Variants in SPAG16 observed in about 807,000 individuals in gnomAD.
The protein encoded by SPAG16 is sperm-associated antigen 16 protein.
In SPAG16, 86 loss-of-function variants were observed where a neutral mutation model predicts 80.4. The ratio of observed to expected loss-of-function variants is 1.07; its 90% CI spans 0.90 to 1.28. The LOEUF is 1.28. SPAG16 is among the 50% of genes most tolerant of loss of function. The pLI is 0.00. For synonymous variants in SPAG16, 294 were observed against 265.9 expected, an observed-to-expected ratio of 1.11 and a Z score of -1.03; for missense variants, 870 against 765.3, an observed-to-expected ratio of 1.14 and a Z score of -1.61.
At chr2:213,982,602 T>C (rs1333641802) in intron 12 of SPAG16, among the ~76,000 whole-genome samples, 1 of 136,318 alleles carries the variant, frequency 7.3e-6, no homozygotes, top group Non-Finnish European at 1.6e-5. Context: ...TACCAAGGTA[T>C]AGTTTCTGGT....
chr2:214,046,896 TA>T (rs1248261148), intron 13 of SPAG16, among the ~76,000 whole-genome samples: 3 of 112,288 alleles, frequency 2.7e-5, no homozygotes, highest in Admixed American at 9.2e-5. Flanking sequence ...ATGTCAAAAG[TA>T]AACAATCTGA....
intron 10 of SPAG16, among the ~76,000 whole-genome samples, chr2:213,499,338 T>G (rs979944444): frequency 1.3e-5 from 2 of 152,098 alleles, no homozygotes; most frequent in Admixed American, 1.3e-4. Flanking sequence ...ATAGAACAGA[T>G]CCTATGGATT....
chr2:213,456,323 A>T (rs1049906308), intron 9 of SPAG16, among the ~76,000 whole-genome samples: 4 of 152,228 alleles, frequency 2.6e-5, no homozygotes, highest in Non-Finnish European at 4.4e-5. Flanking sequence ...CAAACTGAGG[A>T]ATGCAAATAC....
At chr2:213,316,345 T>G (rs1341975888) in intron 4 of SPAG16, among the ~76,000 whole-genome samples, 1 of 152,040 alleles carries the variant, frequency 6.6e-6, no homozygotes, top group Non-Finnish European at 1.5e-5. Context: ...AGAAGGTACT[T>G]CTCATAATCT....
intron 12 of SPAG16, among the ~76,000 whole-genome samples, chr2:213,969,011 A>G (rs2044871499): frequency 6.6e-6 from 1 of 152,230 alleles, no homozygotes; most frequent in Non-Finnish European, 1.5e-5. Flanking sequence ...TTGCAGAGCT[A>G]AGCAAGCATA....
At chr2:214,025,805 T>C (rs978923894) in intron 13 of SPAG16, among the ~76,000 whole-genome samples, 2 of 151,544 alleles carry the variant, frequency 1.3e-5, no homozygotes, top group African/African-American at 4.8e-5. Flanking sequence ...AAGAAAATAC[T>C]GTAAAAGAAG....
intron 2 of SPAG16, chr2:213,297,031 G>T: frequency 7.4e-7 from 1 of 1,343,480 alleles, no homozygotes; most frequent in African/African-American, 1.5e-5. Flanking sequence ...GATAAAAGCA[G>T]TTGCCCACAA....
At chr2:213,726,935 A>G (rs1012420074) in intron 10 of SPAG16, among the ~76,000 whole-genome samples, 5 of 152,204 alleles carry the variant, frequency 3.3e-5, no homozygotes, top group African/African-American at 9.6e-5. Context: ...TCTACTCCGC[A>G]AATTTAATTT....
intron 11 of SPAG16, among the ~76,000 whole-genome samples, chr2:213,923,248 A>G (rs1367149227): frequency 6.6e-6 from 1 of 152,118 alleles, no homozygotes; most frequent in Non-Finnish European, 1.5e-5. Context: ...ATAGGAGTCT[A>G]CCCACTGGTT....
Position 214,052,423 on chromosome 2 carries a change from G to A in SPAG16, c.1527+38346G>A, listed in dbSNP as rs77519701. 6.6e-3 allele frequency among the ~76,000 whole-genome samples: 1,008 copies of A among 152,286 alleles called. 14 individuals are homozygous for A. The highest frequency in any genetic ancestry group is 0.023 in the African/African-American group (972 of 41,562). On this transcript the variant is annotated intron_variant, in intron 13 of 15. Transcript: ENST00000331683. ...GCAGCACAGAGTTACAAACGAAAGA[G>A]ACACCTTGCCCCTGGGGCACAACCA...
intron 15 of SPAG16, among the ~76,000 whole-genome samples, chr2:214,155,219 G>C (rs941490160): frequency 6.6e-6 from 1 of 152,074 alleles, no homozygotes; most frequent in Admixed American, 6.6e-5. Flanking sequence ...CCTGAGGCCA[G>C]AAAAAAATCT....
intron 10 of SPAG16, among the ~76,000 whole-genome samples, chr2:213,849,231 A>G (rs1296072919): frequency 2.0e-5 from 3 of 152,024 alleles, no homozygotes; most frequent in Non-Finnish European, 4.4e-5. Context: ...GGCTCTTTTT[A>G]AGAACTAGCC....
At chr2:213,477,941 G>A (rs141184041) in intron 9 of SPAG16, among the ~76,000 whole-genome samples, 2 of 152,202 alleles carry the variant, frequency 1.3e-5, no homozygotes, top group African/African-American at 4.8e-5. Flanking sequence ...ACATTTTGAG[G>A]GTAAAAGAGG....
At chr2:214,315,984 A>G (rs2125985870) in intron 15 of SPAG16, among the ~76,000 whole-genome samples, 1 of 152,308 alleles carries the variant, frequency 6.6e-6, no homozygotes, top group Admixed American at 6.5e-5. Flanking sequence ...AGATTTGAGA[A>G]TATGCTGTCA....
At chr2:213,788,422 C>T (rs2070477978) in intron 10 of SPAG16, among the ~76,000 whole-genome samples, 2 of 151,726 alleles carry the variant, frequency 1.3e-5, no homozygotes, top group South Asian at 4.2e-4. Context: ...GTAATGGTAA[C>T]CCTGTGATGA....
intron 15 of SPAG16, among the ~76,000 whole-genome samples, chr2:214,274,161 T>A (rs1400116939): frequency 6.6e-6 from 1 of 152,250 alleles, no homozygotes; most frequent in Non-Finnish European, 1.5e-5. Context: ...CCTGAGACTT[T>A]GCTGAAGTTG....
intron 10 of SPAG16, among the ~76,000 whole-genome samples, chr2:213,685,081 G>T (rs2064595883): frequency 6.6e-6 from 1 of 152,180 alleles, no homozygotes; most frequent in African/African-American, 2.4e-5. Flanking sequence ...GGAAAGATCT[G>T]CCCAGACAGA....
intron 11 of SPAG16, among the ~76,000 whole-genome samples, chr2:213,865,651 C>T (rs1203932002): frequency 2.0e-5 from 3 of 147,496 alleles, no homozygotes; most frequent in Non-Finnish European, 4.5e-5. Context: ...TGTTATATAC[C>T]TATGAAAACT....
Position 214,184,607 on chromosome 2 carries a change from C to T in SPAG16, c.1720+35341C>T, listed in dbSNP as rs964342622. On this transcript the variant is annotated intron_variant, in intron 15 of 15. Coordinates refer to ENST00000331683, the MANE Select transcript of SPAG16 (RefSeq NM_024532.5). ...CATTACTTAAGGGGGAATCTGCAAA[C>T]AGTTTCAGGGCCAAAAACAAAAGGT... Among the ~76,000 whole-genome samples the T allele has an allele frequency of 3.3e-5, 5 of 152,016 alleles. No individual in the cohort carries two copies. The East Asian group carries it at 9.7e-4, about 29-fold the overall frequency.
Sources: allele counts gnomAD v4.1 joint callset (sites outside exome capture counted in the v4.1 genomes callset), GRCh38; gene constraint gnomAD v4.1.1; transcripts MANE v1.5; gene names NCBI Gene and HGNC (gene_info 2026-07-23, HGNC 2026-07-21).